The following FHIT variants were observed in gnomAD, a reference collection of about 807,000 sequenced individuals.
The protein encoded by FHIT is bis(5'-adenosyl)-triphosphatase.
FHIT carries 19 observed loss-of-function variants against 17.9 expected under a neutral mutation model. The ratio of observed to expected loss-of-function variants is 1.06; its 90% CI spans 0.74 to 1.56. FHIT has a LOEUF of 1.56. Ranked by LOEUF, FHIT falls within the 40% of genes most tolerant of loss-of-function variation. FHIT has a pLI of 0.00. For synonymous variants in FHIT, 81 were observed against 69.7 expected (o/e 1.16, Z -0.81); for missense variants, 248 against 189.2 (o/e 1.31, Z -1.82).
In FHIT at chr3:59,782,151, A is replaced by G. The variant is rs192992004; in HGVS notation, c.349-29830T>C. ...TGTCTGATTCCTAAAGAAGTATATG[A>G]AAATCTCTCAATTTATATTTCAAAC... On this transcript the variant is annotated intron_variant, in intron 8 of 9. Transcript: ENST00000492590. Among the ~76,000 whole-genome samples the G allele has an allele frequency of 3.3e-5, 5 of 152,272 alleles. No homozygotes were observed. The East Asian group carries it at 9.7e-4, about 29-fold the overall frequency.
intron 5 of FHIT, among the ~76,000 whole-genome samples, chr3:60,305,626 T>C (rs955369319): frequency 7.9e-5 from 12 of 152,080 alleles, no homozygotes; most frequent in African/African-American, 2.7e-4. Flanking sequence ...TTAAACTGTC[T>C]AGGAAGAAGT....
intron 4 of FHIT, among the ~76,000 whole-genome samples, chr3:60,821,655 A>C (rs1197141650): frequency 2.6e-5 from 4 of 152,206 alleles, no homozygotes; most frequent in Admixed American, 2.0e-4. Flanking sequence ...CATGGAAAAG[A>C]AGGGGAATGC....
chr3:60,906,485 C>G (rs1706426915), intron 3 of FHIT, among the ~76,000 whole-genome samples: 1 of 152,216 alleles, frequency 6.6e-6, no homozygotes, highest in Non-Finnish European at 1.5e-5. Context: ...ATGAACCCAC[C>G]TAGCGGCCAA....
intron 3 of FHIT, among the ~76,000 whole-genome samples, chr3:60,962,467 G>T (rs1173972158): frequency 1.3e-5 from 2 of 152,150 alleles, no homozygotes; most frequent in South Asian, 4.1e-4. Context: ...CCAACACTAT[G>T]TTGAATAGGA....
rs535704779 is a variant in FHIT, at chr3:61,024,573, G to A, written c.-111+17474C>T. Among the ~76,000 whole-genome samples, 3 of 152,078 alleles carry A rather than the reference G, an allele frequency of 2.0e-5. No homozygotes were observed. In the South Asian group the frequency reaches 6.2e-4, roughly 32 times the overall value. ...TTTATTGTTACATTTGTATGTATGAGCAAAGTACAGGCAAAGAAAGAAAAA... is the reference window on the plus strand; with the variant it reads ...TTTATTGTTACATTTGTATGTATGAACAAAGTACAGGCAAAGAAAGAAAAA... On this transcript the variant is annotated intron_variant, in intron 3 of 9. Coordinates refer to ENST00000492590, the MANE Select transcript of FHIT (RefSeq NM_002012.4).
chr3:59,875,075 G>A (rs907599460), intron 8 of FHIT, among the ~76,000 whole-genome samples: 5 of 152,210 alleles, frequency 3.3e-5, no homozygotes, highest in African/African-American at 1.2e-4. Context: ...TCTGGAGATA[G>A]GAGGTGCATC....
chr3:61,215,317 A>T (rs1464073703), intron 1 of FHIT, among the ~76,000 whole-genome samples: 1 of 151,970 alleles, frequency 6.6e-6, no homozygotes, highest in Admixed American at 6.6e-5. Flanking sequence ...GCAAAGTCTC[A>T]GGATACAAAA....
intron 5 of FHIT, among the ~76,000 whole-genome samples, chr3:60,377,630 C>A (rs542117718): frequency 2.0e-5 from 3 of 149,484 alleles, no homozygotes; most frequent in Non-Finnish European, 4.5e-5. Context: ...TACAGGCGCC[C>A]GCCACCGCGC....
chr3:60,399,494 C>T (rs185445047), intron 5 of FHIT, among the ~76,000 whole-genome samples: 1 of 152,300 alleles, frequency 6.6e-6, no homozygotes, highest in East Asian at 1.9e-4. Flanking sequence ...TTCTGACTCA[C>T]ACTCTATTTT....
At chr3:60,464,220 A>T (rs138083814) in intron 5 of FHIT, among the ~76,000 whole-genome samples, 1 of 152,156 alleles carries the variant, frequency 6.6e-6, no homozygotes, top group Non-Finnish European at 1.5e-5. Context: ...ATTTTTTTAA[A>T]AAATTGTTGT....
rs574146299 is a variant in FHIT at position 60,097,691 on chromosome 3, C to T, written c.104-83539G>A. On this transcript the variant is annotated intron_variant, in intron 5 of 9. Transcript: ENST00000492590. ...TTTTTTAATCTTTTCTTAATTCTAC[C>T]AATTAATTTTTTCTTTTTTTTAAAA... Among the ~76,000 whole-genome samples the T allele has an allele frequency of 5.9e-5, 9 of 151,484 alleles. No homozygotes were observed. The East Asian group carries it at 1.7e-3, about 29-fold the overall frequency.
At chr3:60,576,167 A>G (rs1244018866) in intron 4 of FHIT, among the ~76,000 whole-genome samples, 2 of 152,282 alleles carry the variant, frequency 1.3e-5, no homozygotes, top group African/African-American at 4.8e-5. Context: ...AGGCTGTATA[A>G]AAAAGGAAAA....
chr3:59,963,218 G>C lies in FHIT; in HGVS notation c.280-40804C>G, dbSNP rs75901767. 4.6e-5 allele frequency among the ~76,000 whole-genome samples: 7 copies of C among 151,456 alleles called. No homozygotes were observed. In the South Asian group the frequency reaches 1.0e-3, roughly 23 times the overall value. On this transcript the variant is annotated intron_variant, in intron 7 of 9. Transcript: ENST00000492590. ...GGAGGTGGAGTTCGCAATGAGCCGAGATCACACCACTGCACTCCAGCCTGG... is the reference window on the plus strand; with the variant it reads ...GGAGGTGGAGTTCGCAATGAGCCGACATCACACCACTGCACTCCAGCCTGG...
At chr3:60,468,233 GTTTT>G (rs1396508906) in intron 5 of FHIT, among the ~76,000 whole-genome samples, 1 of 151,984 alleles carries the variant, frequency 6.6e-6, no homozygotes, top group Admixed American at 6.6e-5. Context: ...ATTGCAGCTA[GTTTT>G]ATTTATCCAT....
intron 8 of FHIT, among the ~76,000 whole-genome samples, chr3:59,757,665 T>C (rs1701288986): frequency 6.6e-6 from 1 of 152,210 alleles, no homozygotes; most frequent in Admixed American, 6.5e-5. Context: ...TTAATGCTCT[T>C]CTTACAGAAG....
intron 5 of FHIT, among the ~76,000 whole-genome samples, chr3:60,491,432 C>T (rs1303138238): frequency 6.6e-6 from 1 of 151,450 alleles, no homozygotes; most frequent in Non-Finnish European, 1.5e-5. Context: ...AAAAAAAAGG[C>T]CAACCAGAAC....
At chr3:60,310,368 T>C (rs1559808574) in intron 5 of FHIT, among the ~76,000 whole-genome samples, 1 of 152,144 alleles carries the variant, frequency 6.6e-6, no homozygotes, top group Non-Finnish European at 1.5e-5. Flanking sequence ...AGGGTTTAGT[T>C]ACCTGGGGCA....
At chr3:59,863,331 G>C (rs530404737) in intron 8 of FHIT, among the ~76,000 whole-genome samples, 14 of 152,150 alleles carry the variant, frequency 9.2e-5, no homozygotes, top group Non-Finnish European at 1.8e-4. Flanking sequence ...CTAAATTATT[G>C]GTGGTTTGGT....
chr3:61,193,541 C>T (rs1435699087), intron 2 of FHIT, among the ~76,000 whole-genome samples: 1 of 152,084 alleles, frequency 6.6e-6, no homozygotes. Context: ...AGCATTTTTG[C>T]ATCAATGACC....
Sources: allele counts gnomAD v4.1 joint callset (sites outside exome capture counted in the v4.1 genomes callset), GRCh38; gene constraint gnomAD v4.1.1; transcripts MANE v1.5; gene names NCBI Gene and HGNC (gene_info 2026-07-23, HGNC 2026-07-21).